Variants in MYMK observed in about 807,000 individuals in gnomAD.
MYMK encodes myomaker, myoblast fusion factor.
A neutral mutation model predicts 22.4 loss-of-function variants in MYMK; 16 were observed. The observed-to-expected ratio is 0.72, with a 90% CI of 0.48 to 1.09. The LOEUF is 1.09. MYMK is among the 50% of genes least tolerant of loss of function. The pLI is 0.00. For synonymous variants in MYMK, 125 were observed against 127.0 expected (o/e 0.98, Z 0.11); for missense variants, 250 against 295.6 (o/e 0.85, Z 1.13).
chr9:133,523,029 C>T (rs932302250), intron 1 of MYMK, among the ~76,000 whole-genome samples: 3 of 152,264 alleles, frequency 2.0e-5, no homozygotes, highest in East Asian at 3.9e-4. Context: ...TACTGGCGCT[C>T]GAGGTGGACT....
In MYMK at chr9:133,524,746, C is replaced by T. The variant is rs202189249; in HGVS notation, c.99G>A (p.Glu33=). Residue 33 remains glutamate, a synonymous_variant, in exon 1 of 5, where the codon GAG becomes GAA. Transcript: ENST00000339996. ...SIAAKRRFHM[E]AMVYLFTLFF... is the part of the protein sequence containing the mutation. Reference sequence around the variant, plus strand: ...ACAGGGTGAAGAGGTAGACCATGGCCTCCATGTGGAACCGCCTCTTGGCCG... The same window carrying T: ...ACAGGGTGAAGAGGTAGACCATGGCTTCCATGTGGAACCGCCTCTTGGCCG... The T allele has an allele frequency of 3.1e-6, 5 of 1,614,208 alleles. No homozygotes were observed. In the South Asian group the frequency reaches 5.5e-5, roughly 18 times the overall value.
intron 1 of MYMK, among the ~76,000 whole-genome samples, 183 bp from the exon 2 acceptor site, chr9:133,520,471 G>A (rs902379902): frequency 6.6e-6 from 1 of 152,206 alleles, no homozygotes; most frequent in African/African-American, 2.4e-5. Context: ...TCCCGCAGAG[G>A]GTCCTGTGGG....
intron 2 of MYMK, 37 bp downstream of exon 2, chr9:133,520,137 T>A (rs1173980462): frequency 6.4e-7 from 1 of 1,567,644 alleles, no homozygotes; most frequent in Non-Finnish European, 8.8e-7. Context: ...AGCCGGTCCT[T>A]GTCCGCAAGG....
chr9:133,516,509 C>A (rs999749928), intron 3 of MYMK, among the ~76,000 whole-genome samples: 1 of 152,222 alleles, frequency 6.6e-6, no homozygotes, highest in Non-Finnish European at 1.5e-5. Context: ...GGGGGCAGCA[C>A]CCCATAACTG....
chr9:133,521,669 C>A (rs1026477367), intron 1 of MYMK, among the ~76,000 whole-genome samples: 1 of 152,142 alleles, frequency 6.6e-6, no homozygotes, highest in Non-Finnish European at 1.5e-5. Context: ...GGGTGACCAG[C>A]GGTGGACATG....
chr9:133,520,043 G>A, intron 2 of MYMK, 131 bp downstream of exon 2: 1 of 660,296 alleles, frequency 1.5e-6, no homozygotes, highest in Non-Finnish European at 2.7e-6. Flanking sequence ...CCCAGACAAG[G>A]GAAGACATTC....
intron 2 of MYMK, 125 bp from the exon 3 acceptor site, chr9:133,519,147 G>A: frequency 8.2e-7 from 1 of 1,220,868 alleles, no homozygotes; most frequent in Non-Finnish European, 1.1e-6. Context: ...CCCTCAGCCA[G>A]CGAGACCCTG....
chr9:133,522,250 G>C (rs1003679494), intron 1 of MYMK, among the ~76,000 whole-genome samples: 2 of 152,222 alleles, frequency 1.3e-5, no homozygotes, highest in Non-Finnish European at 2.9e-5. Context: ...CACTGGTGGG[G>C]TGGGTGCGGC....
At chr9:133,521,007 A>G (rs1227365034) in intron 1 of MYMK, among the ~76,000 whole-genome samples, 2 of 152,100 alleles carry the variant, frequency 1.3e-5, no homozygotes, top group African/African-American at 4.8e-5. Flanking sequence ...GCCGGGCTGT[A>G]GCTCCTGGTT....
chr9:133,520,955 T>C (rs1844696405), intron 1 of MYMK, among the ~76,000 whole-genome samples: 1 of 152,152 alleles, frequency 6.6e-6, no homozygotes, highest in African/African-American at 2.4e-5. Flanking sequence ...TTTGAACACA[T>C]TCCCTGTGGC....
At chr9:133,517,321 G>A (rs988167254) in intron 3 of MYMK, among the ~76,000 whole-genome samples, 2 of 152,152 alleles carry the variant, frequency 1.3e-5, no homozygotes, top group African/African-American at 2.4e-5. Context: ...CAGGATTAGT[G>A]CTGCTTCCTC....
At chr9:133,523,327 G>A (rs968383420) in intron 1 of MYMK, among the ~76,000 whole-genome samples, 1 of 152,242 alleles carries the variant, frequency 6.6e-6, no homozygotes, top group African/African-American at 2.4e-5. Context: ...CCCTGCTGCT[G>A]GAGAAGGAGG....
intron 3 of MYMK, among the ~76,000 whole-genome samples, chr9:133,517,656 AAC>A (rs1844647038): frequency 7.4e-6 from 1 of 135,592 alleles, no homozygotes; most frequent in Non-Finnish European, 1.6e-5. Flanking sequence ...ACAAGAGCAA[AAC>A]TCCGTCTCAA....
intron 3 of MYMK, among the ~76,000 whole-genome samples, chr9:133,516,270 A>AT (rs1014260515): frequency 6.6e-6 from 1 of 151,970 alleles, no homozygotes; most frequent in African/African-American, 2.4e-5. Context: ...TCTATTTGGG[A>AT]TTTTCAAGGG....
chr9:133,520,670 T>G (rs1182022392), intron 1 of MYMK, among the ~76,000 whole-genome samples: 1 of 152,184 alleles, frequency 6.6e-6, no homozygotes, highest in Non-Finnish European at 1.5e-5. Context: ...CCCCGGACCT[T>G]CAGCATCTGT....
rs1259147694 is a variant in MYMK at position 133,514,691 on chromosome 9, G to A, written c.611C>T (p.Ser204Phe). Residue 204 changes from serine to phenylalanine, a missense_variant, in exon 5 of 5, where the codon TCC becomes TTC. Ser to Phe is a radical substitution (Grantham distance 155). Coordinates refer to ENST00000339996, the MANE Select transcript of MYMK (RefSeq NM_001080483.3). ...LLPKVNKKAG[S>F]PGTPAKLDCS... ...GTCCAGCTTGGCCGGGGTCCCCGGG[G>A]ATCCAGCCTTCTTGTTGACCTTGGG... is the stretch of plus-strand genomic sequence containing the variant. 8.7e-6 allele frequency: 14 copies of A among 1,614,034 alleles called. No individual in the cohort carries two copies. Among genetic ancestry groups the A allele is most frequent in the Non-Finnish European group, 1.2e-5 (14 of 1,179,892 alleles).
At chr9:133,519,829 C>T (rs1844676296) in intron 2 of MYMK, among the ~76,000 whole-genome samples, 1 of 152,160 alleles carries the variant, frequency 6.6e-6, no homozygotes. Context: ...GGAAGCCAAC[C>T]CCCCTGAGCA....
In MYMK at chr9:133,514,645, A is replaced by T; in HGVS notation, c.657T>A (p.Ala219=). The change falls in exon 5 of 5, where the codon GCT becomes GCA. Residue 219 remains alanine (A), a synonymous_variant. Transcript: ENST00000339996. ...CGGGCTGGGCGCAGCATCAGACACA[A>T]GCACAGCACAGGGTGGAGCAGTCCA... ...AKLDCSTLCC[A]CV The T allele has an allele frequency of 6.2e-7, 1 of 1,613,520 alleles. No homozygotes were observed. The highest frequency in any genetic ancestry group is 1.1e-5 in the South Asian group (1 of 91,064).
intron 1 of MYMK, among the ~76,000 whole-genome samples, chr9:133,523,701 G>GAA (rs1844730960): frequency 2.1e-5 from 3 of 141,234 alleles, no homozygotes; most frequent in Admixed American, 6.8e-5. Context: ...GAGAGAGAGA[G>GAA]AGAGAGAGAG....
Sources: gnomAD v4.1 joint callset for allele counts (sites outside exome capture counted in the v4.1 genomes callset) on GRCh38, gnomAD v4.1.1 for gene constraint, MANE v1.5 for transcripts, NCBI Gene and HGNC (gene_info 2026-07-23, HGNC 2026-07-21) for gene names.